NELL1: variants seen among roughly 807,000 people sequenced by gnomAD.
NELL1 encodes protein kinase C-binding protein NELL1.
A neutral mutation model predicts 107.4 loss-of-function variants in NELL1; 76 were observed. That is an observed-to-expected ratio of 0.71 (90% CI 0.59 to 0.86). The LOEUF (loss-of-function observed/expected upper bound fraction) is 0.86, where lower values mean the gene tolerates loss of function less well. Among genes scored for constraint, NELL1 ranks in the 40% least tolerant of loss-of-function variants. The pLI is 0.00. For missense variants in NELL1, 1,024 were observed against 1,005.5 expected (o/e 1.02, Z -0.25); for synonymous variants, 353 against 341.2 (o/e 1.03, Z -0.38).
chr11:21,458,084 A>G (rs61885940), intron 15 of NELL1, among the ~76,000 whole-genome samples: 1 of 152,166 alleles, frequency 6.6e-6, no homozygotes, highest in Non-Finnish European at 1.5e-5. Flanking sequence ...GAGAAGAAGG[A>G]TAAGATGGTA....
chr11:21,549,692 A>T (rs1856529755), intron 16 of NELL1, among the ~76,000 whole-genome samples: 1 of 151,884 alleles, frequency 6.6e-6, no homozygotes, highest in Admixed American at 6.6e-5. Flanking sequence ...GAACTGCCAG[A>T]ATCTTTTTAT....
chr11:21,394,401 T>A (rs1185532540), intron 15 of NELL1, among the ~76,000 whole-genome samples: 4 of 151,638 alleles, frequency 2.6e-5, no homozygotes, highest in African/African-American at 9.6e-5. Flanking sequence ...CACATAAATG[T>A]ATACATATAT....
At chr11:21,079,249 A>C (rs1011827274) in intron 12 of NELL1, among the ~76,000 whole-genome samples, 1 of 152,070 alleles carries the variant, frequency 6.6e-6, no homozygotes, top group Admixed American at 6.6e-5. Flanking sequence ...TAAAACATGA[A>C]AACACATAAA....
intron 12 of NELL1, among the ~76,000 whole-genome samples, chr11:20,995,914 G>T (rs1199377013): frequency 6.6e-6 from 1 of 152,186 alleles, no homozygotes; most frequent in African/African-American, 2.4e-5. Context: ...CTAGATGGAA[G>T]TTTCATGAAG....
At chr11:21,080,069 T>G (rs1854229886) in intron 12 of NELL1, among the ~76,000 whole-genome samples, 1 of 152,064 alleles carries the variant, frequency 6.6e-6, no homozygotes, top group Non-Finnish European at 1.5e-5. Flanking sequence ...AATATTTTTA[T>G]TAAGGGTTTG....
intron 15 of NELL1, among the ~76,000 whole-genome samples, chr11:21,503,798 C>A (rs978710880): frequency 6.6e-6 from 1 of 151,952 alleles, no homozygotes; most frequent in African/African-American, 2.4e-5. Context: ...ATATACTATT[C>A]TTTGCTTGCC....
At chr11:20,903,037 A>G (rs1258280534) in intron 5 of NELL1, among the ~76,000 whole-genome samples, 2 of 152,056 alleles carry the variant, frequency 1.3e-5, no homozygotes, top group Non-Finnish European at 2.9e-5. Flanking sequence ...GACTTCAACT[A>G]TATTGAGGAT....
At chr11:21,209,466 A>G (rs1857456356) in intron 13 of NELL1, among the ~76,000 whole-genome samples, 1 of 151,718 alleles carries the variant, frequency 6.6e-6, no homozygotes, top group African/African-American at 2.4e-5. Context: ...TCTAACTCCC[A>G]TTCTTGGAAG....
Position 21,575,005 on chromosome 11 carries a change from T to G in NELL1, c.2416T>G (p.Cys806Gly). The change falls in exon 20 of 20, where the codon TGT becomes GGT. Residue 806 changes from cysteine (C) to glycine (G), a missense_variant. Physicochemically the swap from Cys to Gly is radical, Grantham distance 159. Transcript: ENST00000357134. ...AGTCTGTTGTTCTGTGGATTTTGAG[T>G]GTCTTCAAAATAATTGAAGTATTTA... is the stretch of plus-strand genomic sequence containing the variant. Reference protein sequence around the residue: ...GRVCCSVDFECLQNN With the variant: ...GRVCCSVDFEGLQNN The G allele has an allele frequency of 6.2e-7, 1 of 1,610,608 alleles. No individual in the cohort carries two copies. Among genetic ancestry groups the G allele is most frequent in the South Asian group, 1.1e-5 (1 of 90,978 alleles).
intron 2 of NELL1, among the ~76,000 whole-genome samples, chr11:20,753,873 G>T (rs779424411): frequency 6.6e-6 from 1 of 152,162 alleles, no homozygotes; most frequent in Non-Finnish European, 1.5e-5. Flanking sequence ...AATTCCAGTT[G>T]GAAGATGCTA....
chr11:21,402,643 CT>C (rs76528457), intron 15 of NELL1, among the ~76,000 whole-genome samples: 52,408 of 143,074 alleles, frequency 0.37, 9,397 homozygotes, highest in South Asian at 0.45. Context: ...AGATCCTTTT[CT>C]TTTTTTTTTT....
chr11:21,538,243 G>A (rs1423817379), intron 16 of NELL1, among the ~76,000 whole-genome samples: 1 of 152,008 alleles, frequency 6.6e-6, no homozygotes, highest in Non-Finnish European at 1.5e-5. Flanking sequence ...GTCACTCTAT[G>A]TCACTTTTTG....
intron 13 of NELL1, among the ~76,000 whole-genome samples, chr11:21,201,782 T>C (rs1211462123): frequency 6.6e-6 from 1 of 152,172 alleles, no homozygotes; most frequent in African/African-American, 2.4e-5. Context: ...ATAGCTCTTA[T>C]TATTTTGAGA....
chr11:21,133,602 T>G (rs1855674365), intron 13 of NELL1, among the ~76,000 whole-genome samples: 1 of 152,128 alleles, frequency 6.6e-6, no homozygotes, highest in Non-Finnish European at 1.5e-5. Context: ...GACTGGTGTG[T>G]CAGTGCTGCC....
chr11:21,546,239 T>G (rs1284964695), intron 16 of NELL1, among the ~76,000 whole-genome samples: 2 of 151,994 alleles, frequency 1.3e-5, no homozygotes, highest in Non-Finnish European at 2.9e-5. Context: ...CAGGGGAGAT[T>G]CACTGCTTTC....
At chr11:21,013,294 C>T (rs1243097618) in intron 12 of NELL1, among the ~76,000 whole-genome samples, 1 of 152,080 alleles carries the variant, frequency 6.6e-6, no homozygotes, top group East Asian at 1.9e-4. Flanking sequence ...TGGCTTATGC[C>T]CTGTGTTGGA....
chr11:21,385,826 A>G (rs1410980209), intron 15 of NELL1, among the ~76,000 whole-genome samples: 1 of 151,860 alleles, frequency 6.6e-6, no homozygotes, highest in Non-Finnish European at 1.5e-5. Context: ...CTCCTGCACT[A>G]AACATTGTCA....
intron 12 of NELL1, among the ~76,000 whole-genome samples, chr11:20,972,013 TG>T: frequency 1.9e-5 from 1 of 51,636 alleles, no homozygotes; most frequent in Middle Eastern, 0.012. Context: ...CAACAGACAC[TG>T]GGGCCTGCTG....
chr11:21,114,348 T>C (rs1855180767), intron 13 of NELL1, among the ~76,000 whole-genome samples: 1 of 151,898 alleles, frequency 6.6e-6, no homozygotes, highest in Non-Finnish European at 1.5e-5. Context: ...TGGATAAGGG[T>C]GGTAGAAGAT....
Sources: allele counts gnomAD v4.1 joint callset (sites outside exome capture counted in the v4.1 genomes callset), GRCh38; gene constraint gnomAD v4.1.1; transcripts MANE v1.5; gene names NCBI Gene and HGNC (gene_info 2026-07-23, HGNC 2026-07-21).